KIAA1958: variants seen among roughly 807,000 people sequenced by gnomAD.
KIAA1958 encodes uncharacterized protein KIAA1958.
A neutral mutation model predicts 47.2 loss-of-function variants in KIAA1958; 14 were observed. The observed-to-expected ratio is 0.30, with a 90% CI of 0.20 to 0.46. KIAA1958 has a LOEUF of 0.46. Ranked by LOEUF, KIAA1958 falls within the 20% of genes least tolerant of loss-of-function variation. The pLI is 1.00. For synonymous variants in KIAA1958, 354 were observed against 353.3 expected, an observed-to-expected ratio of 1.00 and a Z score of -0.02; for missense variants, 803 against 909.2, an observed-to-expected ratio of 0.88 and a Z score of 1.50.
chr9:112,606,227 A>G (rs1481847833), intron 2 of KIAA1958, among the ~76,000 whole-genome samples: 1 of 152,150 alleles, frequency 6.6e-6, no homozygotes, highest in East Asian at 1.9e-4. Flanking sequence ...AAGTTTGGGG[A>G]CAGATCCTAA....
intron 1 of KIAA1958, among the ~76,000 whole-genome samples, chr9:112,510,232 C>G (rs1458145154): frequency 2.0e-5 from 3 of 152,154 alleles, no homozygotes; most frequent in Non-Finnish European, 2.9e-5. Flanking sequence ...GCAAAAAGGC[C>G]TGGATGGTAA....
chr9:112,638,055 A>G (rs959162879), intron 2 of KIAA1958, among the ~76,000 whole-genome samples: 2 of 152,204 alleles, frequency 1.3e-5, no homozygotes, highest in Non-Finnish European at 2.9e-5. Context: ...AGGCTGAGGC[A>G]GGAGAATCGC....
At chr9:112,609,155 G>A (rs1051969498) in intron 2 of KIAA1958, among the ~76,000 whole-genome samples, 12 of 152,180 alleles carry the variant, frequency 7.9e-5, no homozygotes, top group African/African-American at 1.9e-4. Context: ...TATATCTTAT[G>A]TGTATTCATA....
intron 1 of KIAA1958, among the ~76,000 whole-genome samples, chr9:112,556,345 T>C (rs1050204346): frequency 1.3e-5 from 2 of 152,182 alleles, no homozygotes; most frequent in Non-Finnish European, 2.9e-5. Flanking sequence ...GCTGAGTTCT[T>C]TGAAGGGCAC....
chr9:112,491,206 T>C (rs889986573), intron 1 of KIAA1958, among the ~76,000 whole-genome samples: 1 of 152,202 alleles, frequency 6.6e-6, no homozygotes. Context: ...ACTCAAATGA[T>C]CTTCCTGCCT....
intron 1 of KIAA1958, among the ~76,000 whole-genome samples, chr9:112,540,149 T>C (rs1307706693): frequency 6.6e-6 from 1 of 152,168 alleles, no homozygotes; most frequent in Non-Finnish European, 1.5e-5. Flanking sequence ...CATATGAGCA[T>C]GGAATAAATA....
intron 2 of KIAA1958, among the ~76,000 whole-genome samples, chr9:112,627,176 G>T (rs1030395571): frequency 6.6e-6 from 1 of 152,182 alleles, no homozygotes; most frequent in African/African-American, 2.4e-5. Context: ...GGCCAGGTCA[G>T]CTTTTCTTCA....
intron 1 of KIAA1958, among the ~76,000 whole-genome samples, chr9:112,542,222 T>C (rs1834956666): frequency 6.6e-6 from 1 of 150,612 alleles, no homozygotes; most frequent in Admixed American, 6.6e-5. Flanking sequence ...TAATGATATA[T>C]TGATCTTTAT....
intron 2 of KIAA1958, among the ~76,000 whole-genome samples, chr9:112,606,394 A>G (rs1671440111): frequency 6.6e-6 from 1 of 152,188 alleles, no homozygotes; most frequent in South Asian, 2.1e-4. Context: ...TTGTACTTGC[A>G]TATTTGTAGT....
At chr9:112,577,777 A>G (rs539858995) in intron 2 of KIAA1958, among the ~76,000 whole-genome samples, 2,386 of 20,496 alleles carry the variant, frequency 0.12, 40 homozygotes, top group South Asian at 0.28. Context: ...AGCCTATTTG[A>G]AAAAAAAAAA....
chr9:112,569,315 A>G (rs946076461), intron 1 of KIAA1958, among the ~76,000 whole-genome samples: 1 of 152,226 alleles, frequency 6.6e-6, no homozygotes, highest in Non-Finnish European at 1.5e-5. Context: ...CAGAAGCAAT[A>G]CTGGTGATGA....
intron 2 of KIAA1958, among the ~76,000 whole-genome samples, chr9:112,576,023 A>G (rs1835639174): frequency 1.3e-5 from 2 of 152,226 alleles, no homozygotes; most frequent in Admixed American, 1.3e-4. Flanking sequence ...AAACGTGGAC[A>G]AGGATGAACA....
In KIAA1958 at chr9:112,653,442, G is replaced by A. The variant is rs75709696; in HGVS notation, c.1345-5821G>A. ...TTCATGATTTGATGAGTGAGTTAGCGTTTTGTACTGAGCTCAGCTGAGTAC... is the reference window on the plus strand; with the variant it reads ...TTCATGATTTGATGAGTGAGTTAGCATTTTGTACTGAGCTCAGCTGAGTAC... On this transcript the variant is annotated intron_variant, in intron 3 of 3. Coordinates refer to ENST00000337530, the MANE Select transcript of KIAA1958 (RefSeq NM_133465.4). Among the ~76,000 whole-genome samples, 26 of 152,270 alleles carry A rather than the reference G, an allele frequency of 1.7e-4. No individual in the cohort carries two copies. In the East Asian group the frequency reaches 4.1e-3, roughly 24 times the overall value.
chr9:112,657,942 C>T (rs1211837280), intron 3 of KIAA1958, among the ~76,000 whole-genome samples: 1 of 151,956 alleles, frequency 6.6e-6, no homozygotes, highest in Non-Finnish European at 1.5e-5. Context: ...CTGTGACCTC[C>T]ACCTTCCCGA....
At chr9:112,590,089 G>A (rs550524635) in intron 2 of KIAA1958, among the ~76,000 whole-genome samples, 1 of 152,302 alleles carries the variant, frequency 6.6e-6, no homozygotes, top group African/African-American at 2.4e-5. Flanking sequence ...ACTGCCATGT[G>A]TGGTCCCCTG....
chr9:112,622,023 G>A (rs1164626985), intron 2 of KIAA1958, among the ~76,000 whole-genome samples: 1 of 152,060 alleles, frequency 6.6e-6, no homozygotes, highest in African/African-American at 2.4e-5. Flanking sequence ...GTTATCTCTT[G>A]GAGTTACTTA....
intron 1 of KIAA1958, among the ~76,000 whole-genome samples, chr9:112,548,532 A>G (rs960459298): frequency 6.6e-6 from 1 of 152,148 alleles, no homozygotes; most frequent in African/African-American, 2.4e-5. Context: ...AATATTTTCC[A>G]TAGTTTGACC....
rs750165610 is a variant in KIAA1958, at chr9:112,575,039, A to G, written c.959A>G (p.Gln320Arg). ...MPVSTSHPNK[Q>R]ISIPLSALQL... ...GTGAGCACATCCCATCCTAACAAAC[A>G]GATCAGTATCCCCTTGTCTGCCCTG... The change falls in exon 2 of 4, where the codon CAG becomes CGG. Residue 320 changes from glutamine to arginine, a missense_variant. Physicochemically the swap from Gln to Arg is conservative, Grantham distance 43 (BLOSUM62 1). This residue lies in a region of KIAA1958 where 761 missense variants were observed against 829.3 expected (regional missense o/e 0.92). Transcript: ENST00000337530. The G allele has an allele frequency of 9.9e-6, 16 of 1,614,082 alleles. No individual in the cohort carries two copies. Among genetic ancestry groups the G allele is most frequent in the Admixed American group, 3.3e-5 (2 of 60,032 alleles).
intron 1 of KIAA1958, among the ~76,000 whole-genome samples, chr9:112,521,774 T>G (rs1834548279): frequency 6.6e-6 from 1 of 152,120 alleles, no homozygotes; most frequent in South Asian, 2.1e-4. Flanking sequence ...TTTATATCTG[T>G]CTTGAATTTT....
Sources: allele counts gnomAD v4.1 joint callset (sites outside exome capture counted in the v4.1 genomes callset), GRCh38; gene constraint gnomAD v4.1.1; regional missense constraint gnomAD v4.1.1; transcripts MANE v1.5; gene names NCBI Gene and HGNC (gene_info 2026-07-23, HGNC 2026-07-21).